CDK15: variants seen among roughly 807,000 people sequenced by gnomAD.
CDK15 encodes the protein cyclin-dependent kinase 15.
A neutral mutation model predicts 60.3 loss-of-function variants in CDK15; 62 were observed. That is an observed-to-expected ratio of 1.03 (90% CI 0.84 to 1.27). The LOEUF is 1.27. Ranked by LOEUF, CDK15 falls within the 50% of genes most tolerant of loss-of-function variation. The pLI, the probability that CDK15 is intolerant of heterozygous loss-of-function variation, is 0.00. For missense variants in CDK15, 541 were observed against 527.8 expected, an observed-to-expected ratio of 1.03 and a Z score of -0.25; for synonymous variants, 194 against 195.7, an observed-to-expected ratio of 0.99 and a Z score of 0.07.
rs762488718 is a variant in CDK15, at chr2:201,880,037, G to C, written c.1068G>C (p.Arg356Ser). The change falls in exon 12 of 14, where the codon AGG becomes AGC. Residue 356 changes from arginine (R) to serine (S), a missense_variant. Arg to Ser is a moderately radical substitution (Grantham distance 110). Transcript: ENST00000652192. ...SLHVVWNRLG[R>S]VPEAEDLASQ... Reference sequence around the variant, plus strand: ...TCTCCCACTTTTCCAGGCTGGGCAGGGTTCCTGAAGCTGAAGACCTGGCCT... The same window carrying C: ...TCTCCCACTTTTCCAGGCTGGGCAGCGTTCCTGAAGCTGAAGACCTGGCCT... The C allele has an allele frequency of 3.1e-6, 5 of 1,613,964 alleles. No homozygotes were observed. The highest frequency in any genetic ancestry group is 1.3e-5 in the African/African-American group (1 of 75,004).
chr2:201,874,907 G>A (rs753018482), intron 11 of CDK15, among the ~76,000 whole-genome samples: 1 of 152,092 alleles, frequency 6.6e-6, no homozygotes, highest in Admixed American at 6.6e-5. Flanking sequence ...TAGGTCTAGG[G>A]GGAAAACCAA....
intron 10 of CDK15, among the ~76,000 whole-genome samples, chr2:201,858,463 C>A (rs1698243480): frequency 6.6e-6 from 1 of 151,764 alleles, no homozygotes; most frequent in African/African-American, 2.4e-5. Flanking sequence ...TCTGTCTCCC[C>A]CACTCCCCGT....
intron 9 of CDK15, among the ~76,000 whole-genome samples, chr2:201,854,409 C>T (rs1200140051): frequency 6.6e-6 from 1 of 152,154 alleles, no homozygotes; most frequent in Non-Finnish European, 1.5e-5. Context: ...AATTTGAGCA[C>T]ATCAGGGAAC....
intron 8 of CDK15, among the ~76,000 whole-genome samples, chr2:201,843,499 C>G (rs1697495731): frequency 6.6e-6 from 1 of 152,266 alleles, no homozygotes; most frequent in East Asian, 1.9e-4. Context: ...TTCAAACTTA[C>G]AGTGTGGGCT....
chr2:201,809,247 A>T (rs987130338), intron 3 of CDK15, among the ~76,000 whole-genome samples: 1 of 152,072 alleles, frequency 6.6e-6, no homozygotes, highest in Non-Finnish European at 1.5e-5. Flanking sequence ...GACACTTCTG[A>T]TCCTCTCTTC....
chr2:201,861,843 G>A (rs1191531363), intron 10 of CDK15, among the ~76,000 whole-genome samples: 1 of 152,136 alleles, frequency 6.6e-6, no homozygotes, highest in Non-Finnish European at 1.5e-5. Flanking sequence ...TTACAGGTGT[G>A]AGCCACTGCC....
chr2:201,813,114 A>G (rs964993227), intron 4 of CDK15, among the ~76,000 whole-genome samples: 1 of 152,144 alleles, frequency 6.6e-6, no homozygotes, highest in Non-Finnish European at 1.5e-5. Context: ...AGGTTACTTT[A>G]GCTATTTATT....
chr2:201,808,909 T>A (rs1445922076), intron 3 of CDK15: 2 of 115,608 alleles, frequency 1.7e-5, no homozygotes, highest in Non-Finnish European at 3.5e-5. Context: ...AGTTTTATTT[T>A]ATTTTATTAT....
intron 9 of CDK15, among the ~76,000 whole-genome samples, chr2:201,848,620 T>C (rs1012862412): frequency 6.6e-6 from 1 of 152,132 alleles, no homozygotes; most frequent in Non-Finnish European, 1.5e-5. Context: ...TGGCCTATTC[T>C]AGGTACCTCA....
intron 4 of CDK15, among the ~76,000 whole-genome samples, chr2:201,814,217 C>G (rs1032956570): frequency 6.6e-6 from 1 of 152,188 alleles, no homozygotes. Flanking sequence ...TTCAGAAAAC[C>G]TGGATCCGTT....
Position 201,833,833 on chromosome 2 carries a change from G to A in CDK15, c.607-15G>A, listed in dbSNP as rs377138324. 8.7e-6 allele frequency: 14 copies of A among 1,605,260 alleles called. No individual in the cohort carries two copies. In the African/African-American group the frequency reaches 1.3e-4, roughly 15 times the overall value. On this transcript the variant is annotated splice_polypyrimidine_tract_variant and intron_variant, in intron 6 of 13. Transcript: ENST00000652192. ...TGGCTCAAATCTCCTTATGGATAGT[G>A]TTTCTTCCTTCCAGCTTTTCATGTT... is the stretch of plus-strand genomic sequence containing the variant.
rs11886902 is a variant in CDK15, at chr2:201,850,591, A to G, written c.945+3117A>G. ...AAGAAACTATAGATGCAGTAACAAA[A>G]CTGCATTCAATGAACATGGGACTGT... On this transcript the variant is annotated intron_variant, in intron 9 of 13. Transcript: ENST00000652192. Among the ~76,000 whole-genome samples the G allele has an allele frequency of 6.4e-3, 972 of 152,328 alleles. 15 individuals are homozygous for G. Among genetic ancestry groups the G allele is most frequent in the African/African-American group, 0.022 (934 of 41,584 alleles).
chr2:201,848,795 G>C (rs895643369), intron 9 of CDK15, among the ~76,000 whole-genome samples: 25 of 151,962 alleles, frequency 1.6e-4, no homozygotes, highest in Admixed American at 3.3e-4. Flanking sequence ...CTTGTCTTCT[G>C]GCTAAAATAA....
chr2:201,865,892 CAAAAAAAAAAAA>C (rs35178158), intron 10 of CDK15, among the ~76,000 whole-genome samples: 16 of 40,092 alleles, frequency 4.0e-4, no homozygotes, highest in Non-Finnish European at 7.5e-4. Flanking sequence ...TCCATCTCAA[CAAAAAAAAAAAA>C]AAAAAAAAAA....
chr2:201,806,627 G>A lies in CDK15; in HGVS notation c.-38G>A. The A allele has an allele frequency of 3.2e-6, 5 of 1,541,806 alleles. No homozygotes were observed. Among genetic ancestry groups the A allele is most frequent in the South Asian group, 1.2e-5 (1 of 84,764 alleles). On this transcript the variant is annotated 5_prime_UTR_variant, in exon 1 of 14. Transcript: ENST00000652192. ...AGGATAGGAGAGGCAGTGGGGGAAA[G>A]GTTCAAGTGCGGGTTTTCTCCTTGA...
chr2:201,822,134 C>T (rs1358181388), intron 4 of CDK15, among the ~76,000 whole-genome samples: 2 of 152,158 alleles, frequency 1.3e-5, no homozygotes, highest in East Asian at 1.9e-4. Context: ...CTTTAGTAAC[C>T]GATTATTGAA....
In CDK15 at chr2:201,819,916, T is replaced by G. The variant is rs9677761; in HGVS notation, c.449-2893T>G. Among the ~76,000 whole-genome samples the G allele has an allele frequency of 7.2e-3, 1,099 of 152,240 alleles. 17 individuals carry two copies. The highest frequency in any genetic ancestry group is 0.025 in the African/African-American group (1,053 of 41,498). On this transcript the variant is annotated intron_variant, in intron 4 of 13. Transcript: ENST00000652192. ...ACAAAAACTGTAATTATCAAGAAGA[T>G]GACATGAAGTTTATACCCAGTATTG...
chr2:201,823,999 C>T (rs1384864330), intron 6 of CDK15, among the ~76,000 whole-genome samples: 3 of 151,990 alleles, frequency 2.0e-5, no homozygotes, highest in Admixed American at 1.3e-4. Flanking sequence ...GCAAATGTGC[C>T]TTTAGATGAA....
chr2:201,841,978 A>G (rs1159271392), intron 8 of CDK15, among the ~76,000 whole-genome samples: 2 of 152,154 alleles, frequency 1.3e-5, no homozygotes, highest in Non-Finnish European at 2.9e-5. Context: ...AGTTTTTTGT[A>G]TTGTGTTAAA....
Sources: allele counts gnomAD v4.1 joint callset (sites outside exome capture counted in the v4.1 genomes callset), GRCh38; gene constraint gnomAD v4.1.1; transcripts MANE v1.5; gene names NCBI Gene and HGNC (gene_info 2026-07-23, HGNC 2026-07-21).